The following EPM2A variants were observed in gnomAD, a reference collection of about 807,000 sequenced individuals.
The protein encoded by EPM2A is EPM2A glucan phosphatase, laforin, also known as laforin.
A neutral mutation model predicts 26.5 loss-of-function variants in EPM2A; 21 were observed. The ratio of observed to expected loss-of-function variants is 0.79; its 90% CI spans 0.56 to 1.14. EPM2A has a LOEUF of 1.14. Ranked by LOEUF, EPM2A falls within the 50% of genes most tolerant of loss-of-function variation. The pLI is 0.00. For synonymous variants in EPM2A, 217 were observed against 177.6 expected, an observed-to-expected ratio of 1.22 and a Z score of -1.76; for missense variants, 458 against 440.8, an observed-to-expected ratio of 1.04 and a Z score of -0.35.
intron 4 of EPM2A, among the ~76,000 whole-genome samples, chr6:145,444,986 A>G (rs1779112794): frequency 6.6e-6 from 1 of 152,084 alleles, no homozygotes; most frequent in Admixed American, 6.6e-5. Context: ...GTGGTCAGGT[A>G]ATGATTGGAC....
chr6:145,450,453 C>CTAAG (rs1178522536), intron 4 of EPM2A, among the ~76,000 whole-genome samples: 1 of 152,020 alleles, frequency 6.6e-6, no homozygotes, highest in East Asian at 1.9e-4. Context: ...AACTCCCCTC[C>CTAAG]TAAGCATTTA....
At chr6:145,408,968 A>G (rs576064751) in intron 4 of EPM2A, among the ~76,000 whole-genome samples, 14 of 152,278 alleles carry the variant, frequency 9.2e-5, no homozygotes, top group Admixed American at 7.9e-4. Context: ...TTTCAACAAA[A>G]TAATCTTGGG....
intron 2 of EPM2A, among the ~76,000 whole-genome samples, chr6:145,613,034 G>A (rs968079215): frequency 1.3e-5 from 2 of 152,074 alleles, no homozygotes; most frequent in African/African-American, 2.4e-5. Flanking sequence ...ATGTGATGCT[G>A]TTTGATCACA....
At chr6:145,628,004 A>G in intron 3 of EPM2A, 1 of 357,726 alleles carries the variant, frequency 2.8e-6, no homozygotes, top group Admixed American at 4.4e-5. Flanking sequence ...GCCTGTCATC[A>G]GAATGCACTT....
chr6:145,699,553 A>T lies in EPM2A; in HGVS notation c.302-13257T>A, dbSNP rs146910962. Among the ~76,000 whole-genome samples the T allele has an allele frequency of 1.2e-4, 19 of 152,348 alleles. No individual in the cohort carries two copies. In the East Asian group the frequency reaches 3.5e-3, roughly 28 times the overall value. ...AGGGAATGGGTGCTATGCTGTGATG[A>T]ACAACAGGATATGCTTTAGACACAT... On this transcript the variant is annotated intron_variant, in intron 1 of 3. Transcript: ENST00000367519.
intron 2 of EPM2A, among the ~76,000 whole-genome samples, chr6:145,679,546 G>A (rs1780342771): frequency 6.6e-6 from 1 of 151,970 alleles, no homozygotes; most frequent in South Asian, 2.1e-4. Flanking sequence ...ATAAAGGGGA[G>A]GAAATTATCA....
intron 2 of EPM2A, among the ~76,000 whole-genome samples, chr6:145,556,512 C>T (rs58658594): frequency 0.097 from 14,817 of 152,048 alleles, 1,606 homozygotes; most frequent in African/African-American, 0.26. Flanking sequence ...GTATTTAGAG[C>T]TCTGGGAAGT....
chr6:145,639,409 T>C (rs1311633236), intron 2 of EPM2A: 3 of 152,222 alleles, frequency 2.0e-5, no homozygotes, highest in Non-Finnish European at 4.4e-5. Flanking sequence ...ATCTCAGAGA[T>C]ACTTATAGAG....
chr6:145,448,196 A>G (rs1779149659), intron 4 of EPM2A, among the ~76,000 whole-genome samples: 1 of 152,130 alleles, frequency 6.6e-6, no homozygotes, highest in Non-Finnish European at 1.5e-5. Flanking sequence ...TAATTTAAAA[A>G]GTGCTTATTA....
chr6:145,644,673 A>G (rs1236220092), intron 2 of EPM2A, among the ~76,000 whole-genome samples: 1 of 151,994 alleles, frequency 6.6e-6, no homozygotes, highest in Non-Finnish European at 1.5e-5. Flanking sequence ...TAAATATTAT[A>G]TTTTTAATTA....
At chr6:145,543,876 G>T (rs1382986297) in intron 2 of EPM2A, among the ~76,000 whole-genome samples, 1 of 152,176 alleles carries the variant, frequency 6.6e-6, no homozygotes, top group Non-Finnish European at 1.5e-5. Flanking sequence ...CTTGTTAGTG[G>T]CTCACTTGGA....
At chr6:145,441,261 G>A (rs945592904) in intron 4 of EPM2A, among the ~76,000 whole-genome samples, 1 of 152,152 alleles carries the variant, frequency 6.6e-6, no homozygotes, top group African/African-American at 2.4e-5. Flanking sequence ...TTTAGTCATG[G>A]CTACAGCAGC....
At chr6:145,681,763 T>C (rs1456456358) in intron 2 of EPM2A, among the ~76,000 whole-genome samples, 1 of 152,224 alleles carries the variant, frequency 6.6e-6, no homozygotes, top group Non-Finnish European at 1.5e-5. Context: ...AAAGGATAAC[T>C]GTAGTCTCTC....
intron 1 of EPM2A, among the ~76,000 whole-genome samples, chr6:145,694,193 A>G (rs527433415): frequency 1.3e-5 from 2 of 152,122 alleles, no homozygotes; most frequent in South Asian, 2.1e-4. Flanking sequence ...CATTTCTAGC[A>G]TATGAACATA....
intron 4 of EPM2A, among the ~76,000 whole-genome samples, chr6:145,493,634 T>C (rs917494866): frequency 6.6e-6 from 1 of 152,248 alleles, no homozygotes; most frequent in Non-Finnish European, 1.5e-5. Context: ...TTGTCATATA[T>C]GGCTCTTGTT....
intron 4 of EPM2A, among the ~76,000 whole-genome samples, chr6:145,418,567 CAT>C (rs1778738998): frequency 6.6e-6 from 1 of 152,186 alleles, no homozygotes; most frequent in Non-Finnish European, 1.5e-5. Flanking sequence ...CTTTAGCAGA[CAT>C]GTGTTGCTGG....
At chr6:145,497,224 T>C (rs190992937), downstream of EPM2A, among the ~76,000 whole-genome samples, 2 of 152,354 alleles carry the variant, frequency 1.3e-5, no homozygotes, top group East Asian at 3.9e-4. Flanking sequence ...ATCTTTGGGA[T>C]TGCTAACATT....
chr6:145,576,939 A>T, intron 2 of EPM2A, among the ~76,000 whole-genome samples: 1 of 151,760 alleles, frequency 6.6e-6, no homozygotes, highest in East Asian at 1.9e-4. Flanking sequence ...TTGTGATTAG[A>T]GTTAAGTTGT....
chr6:145,641,170 T>C (rs1335076321), intron 2 of EPM2A: 4 of 152,176 alleles, frequency 2.6e-5, no homozygotes, highest in African/African-American at 9.7e-5. Flanking sequence ...CCTATTATGT[T>C]GACTTGTGTC....
Sources: allele counts gnomAD v4.1 joint callset (sites outside exome capture counted in the v4.1 genomes callset), GRCh38; gene constraint gnomAD v4.1.1; transcripts MANE v1.5; gene names NCBI Gene and HGNC (gene_info 2026-07-23, HGNC 2026-07-21).